FBXO21: variants seen among roughly 807,000 people sequenced by gnomAD.
FBXO21 encodes the protein F-box protein 21.
FBXO21 carries 32 observed loss-of-function variants against 76.6 expected under a neutral mutation model. That is an observed-to-expected ratio of 0.42 (90% CI 0.32 to 0.56). The LOEUF (loss-of-function observed/expected upper bound fraction) is 0.56. Among genes scored for constraint, FBXO21 ranks in the 20% least tolerant of loss-of-function variants. The pLI, the probability that FBXO21 is intolerant of heterozygous loss-of-function variation, is 0.16. For synonymous variants in FBXO21, 328 were observed against 311.5 expected (o/e 1.05, Z -0.56); for missense variants, 586 against 797.3 (o/e 0.73, Z 3.19).
At chr12:117,179,954 A>G (rs1956212151) in intron 3 of FBXO21, among the ~76,000 whole-genome samples, 1 of 144,502 alleles carries the variant, frequency 6.9e-6, no homozygotes, top group African/African-American at 2.5e-5. Context: ...AAGGTGACCA[A>G]TTAATTTTTT....
chr12:117,155,270 G>A (rs1441869118), intron 11 of FBXO21: 1 of 153,496 alleles, frequency 6.5e-6, no homozygotes, highest in African/African-American at 2.4e-5. Flanking sequence ...GGCACCTGCC[G>A]GGGCGGCAGT....
At position 117,179,541 on chromosome 12, in the gene FBXO21, C is replaced by A. The variant is rs549609504; in HGVS notation, c.471-1900G>T. Reference sequence around the variant, plus strand: ...ATCGTCTGAAATTTGCTGACTGTACCCACATGATGTAGTTTAACATGTTCT... The same window carrying A: ...ATCGTCTGAAATTTGCTGACTGTACACACATGATGTAGTTTAACATGTTCT... On this transcript the variant is annotated intron_variant, in intron 3 of 11. Transcript: ENST00000622495. Among the ~76,000 whole-genome samples, 22 of 152,190 alleles carry A rather than the reference C, an allele frequency of 1.4e-4. 1 individual carries two copies. Among genetic ancestry groups the A allele is most frequent in the African/African-American group, 5.3e-4 (22 of 41,522 alleles).
At chr12:117,186,658 T>G in intron 2 of FBXO21, 87 bp from the exon 3 acceptor site, 1 of 802,680 alleles carries the variant, frequency 1.2e-6, no homozygotes, top group Middle Eastern at 2.5e-4. Context: ...AATAAAGATG[T>G]CCACTACTAA....
chr12:117,170,805 A>G (rs1956110088), intron 7 of FBXO21, among the ~76,000 whole-genome samples: 1 of 152,222 alleles, frequency 6.6e-6, no homozygotes, highest in African/African-American at 2.4e-5. Context: ...TAAATGTTTT[A>G]TAGTGTACAG....
At chr12:117,173,154 G>A (rs994330171) in intron 6 of FBXO21, among the ~76,000 whole-genome samples, 19 of 151,720 alleles carry the variant, frequency 1.3e-4, no homozygotes, top group African/African-American at 3.9e-4. Context: ...TCAGCCTCCC[G>A]AGTAGCTGGG....
rs1221197797 is a variant in FBXO21, at chr12:117,190,462, C to T, written c.-6G>A. The T allele has an allele frequency of 1.7e-5, 22 of 1,281,134 alleles. No homozygotes were observed. The highest frequency in any genetic ancestry group is 2.3e-4 in the Middle Eastern group (1 of 4,386). The allele number at this position is 1,281,134 out of a possible 1,614,324, so 79.4% of individuals were successfully genotyped here. The stretch of plus-strand genomic sequence containing the variant: ...TCGACTGCTGCCGCCGCCATCTTGT[C>T]CGCGTACCTGGGGCCGCCGCGCGCG... On this transcript the variant is annotated 5_prime_UTR_variant, in exon 1 of 12. Coordinates refer to ENST00000622495, the MANE Select transcript of FBXO21 (RefSeq NM_015002.3).
chr12:117,172,378 G>A, intron 7 of FBXO21, 93 bp downstream of exon 7: 2 of 1,437,344 alleles, frequency 1.4e-6, no homozygotes, highest in Non-Finnish European at 1.9e-6. Context: ...AACCTGTGTG[G>A]TAACACCCAA....
intron 3 of FBXO21, among the ~76,000 whole-genome samples, chr12:117,178,966 T>C (rs765615208): frequency 6.6e-6 from 1 of 152,188 alleles, no homozygotes; most frequent in Non-Finnish European, 1.5e-5. Context: ...TGGCACATAG[T>C]AGATGTTCCA....
chr12:117,181,603 A>AG (rs879633777), intron 3 of FBXO21, among the ~76,000 whole-genome samples: 15,346 of 112,694 alleles, frequency 0.14, 914 homozygotes, highest in African/African-American at 0.29. Context: ...GAGACAGTCT[A>AG]TCTATCTATC....
Position 117,146,001 on chromosome 12 carries a change from A to G in FBXO21, c.*86T>C. ...GGCTTTCCTGGTGCAGCAGGTCCCG[A>G]GGGCTCCGTGGAGACGTCTTCTTCC... On this transcript the variant is annotated 3_prime_UTR_variant, in exon 12 of 12. Transcript: ENST00000622495. The G allele has an allele frequency of 8.4e-7, 1 of 1,184,926 alleles. No individual in the cohort carries two copies. The allele number at this position is 1,184,926 out of a possible 1,614,324, so 73.4% of individuals were successfully genotyped here.
At chr12:117,169,957 C>T (rs1054996430) in intron 7 of FBXO21, among the ~76,000 whole-genome samples, 1 of 150,968 alleles carries the variant, frequency 6.6e-6, no homozygotes, top group African/African-American at 2.4e-5. Context: ...AAAGAAGAAA[C>T]CAAATTGTCA....
intron 4 of FBXO21, among the ~76,000 whole-genome samples, chr12:117,176,948 T>C (rs908122525): frequency 5.9e-5 from 8 of 134,842 alleles, no homozygotes; most frequent in African/African-American, 1.8e-4. Flanking sequence ...TTGTGTAATA[T>C]TGTAGGAATT....
Position 117,189,270 on chromosome 12 carries a change from C to A in FBXO21, c.332G>T (p.Arg111Leu), listed in dbSNP as rs1252099573. 6.2e-7 allele frequency: 1 copy of A among 1,614,202 alleles called. No individual in the cohort carries two copies. Among genetic ancestry groups the A allele is most frequent in the Admixed American group, 1.7e-5 (1 of 60,016 alleles). Residue 111 changes from arginine (R) to leucine (L), a missense_variant, in exon 2 of 12, where the codon CGG becomes CTG. Around this residue, in one of 6 missense-constraint regions of FBXO21, gnomAD observed 246 missense variants for 356.8 expected, o/e 0.69. Transcript: ENST00000622495. ...CTTTGAGAACGAGGCTACAATCTTC[C>A]GCGCTTCTAACCCAGCTTTTTGCCG... is the stretch of plus-strand genomic sequence containing the variant. ...KVRQKAGLEA[R>L]KIVASFSKRF...
rs1566011380 is a variant in FBXO21 at position 117,189,235 on chromosome 12, A to G, written c.367T>C (p.Ser123Pro). The change falls in exon 2 of 12, where the codon TCA (serine) becomes CCA (proline). Residue 123 changes from serine to proline, a missense_variant. Ser to Pro is a moderately conservative substitution (Grantham distance 74). Around this residue, in one of 6 missense-constraint regions of FBXO21, gnomAD observed 246 missense variants for 356.8 expected, o/e 0.69. Transcript: ENST00000622495. ...CATCAACAGATCCTTACGTGCTCTG[A>G]AAAGAACCTCTTTGAGAACGAGGCT... Reference protein sequence around the residue: ...IVASFSKRFFSEHVPCNGFSD... With the variant: ...IVASFSKRFFPEHVPCNGFSD... The G allele has an allele frequency of 6.2e-7, 1 of 1,614,200 alleles. No individual in the cohort carries two copies. The highest frequency in any genetic ancestry group is 8.5e-7 in the Non-Finnish European group (1 of 1,180,028).
intron 9 of FBXO21, among the ~76,000 whole-genome samples, chr12:117,159,910 G>A (rs1418234808): frequency 1.3e-5 from 2 of 152,248 alleles, no homozygotes; most frequent in Non-Finnish European, 2.9e-5. Flanking sequence ...CGCGAAGGGA[G>A]AGGGCAGAAA....
chr12:117,190,051 C>T (rs1214341192), intron 1 of FBXO21, among the ~76,000 whole-genome samples, 167 bp downstream of exon 1: 1 of 151,816 alleles, frequency 6.6e-6, no homozygotes, highest in African/African-American at 2.4e-5. Flanking sequence ...CCTGGCGTGG[C>T]CCCGCAGGGT....
chr12:117,185,518 C>G (rs1956273309), intron 3 of FBXO21, among the ~76,000 whole-genome samples: 1 of 152,214 alleles, frequency 6.6e-6, no homozygotes, highest in South Asian at 2.1e-4. Flanking sequence ...AGGCTGGAAG[C>G]CCACTCATCT....
At chr12:117,177,750 G>T in intron 3 of FBXO21, 109 bp from the exon 4 acceptor site, 1 of 801,152 alleles carries the variant, frequency 1.2e-6, no homozygotes. Context: ...AATATAATTG[G>T]TTCATTCTCT....
At chr12:117,156,077 A>G (rs1406377090) in intron 10 of FBXO21, 129 bp from the exon 11 acceptor site, 3 of 728,424 alleles carry the variant, frequency 4.1e-6, no homozygotes, top group East Asian at 5.0e-5. Flanking sequence ...TTTTCAGGAC[A>G]CCCCTAACCC....
Sources: gnomAD v4.1 joint callset for allele counts (sites outside exome capture counted in the v4.1 genomes callset) on GRCh38, gnomAD v4.1.1 for gene constraint, gnomAD v4.1.1 regional missense constraint, MANE v1.5 for transcripts, NCBI Gene and HGNC (gene_info 2026-07-23, HGNC 2026-07-21) for gene names.